Variants in ESR1 observed in about 807,000 individuals in gnomAD.
The protein encoded by ESR1 is estrogen receptor.
Under a neutral mutation model 52.7 loss-of-function variants are expected in ESR1, and 12 were observed. The observed-to-expected ratio is 0.23, with a 90% CI of 0.15 to 0.37. The LOEUF is 0.37. ESR1 is among the 10% of genes least tolerant of loss of function. The pLI is 1.00. For missense variants in ESR1, 584 were observed against 779.7 expected, an observed-to-expected ratio of 0.75 and a Z score of 2.99; for synonymous variants, 305 against 316.8, an observed-to-expected ratio of 0.96 and a Z score of 0.39.
intron 4 of ESR1, 31 bp from the exon 5 acceptor site, chr6:152,011,625 A>C (rs2042774657): frequency 1.9e-6 from 3 of 1,612,658 alleles, no homozygotes; most frequent in Admixed American, 1.7e-5. Context: ...TTTTCATTTG[A>C]GTCAGCAGGG....
chr6:151,951,652 G>A (rs2036337857), intron 4 of ESR1, among the ~76,000 whole-genome samples: 1 of 152,142 alleles, frequency 6.6e-6, no homozygotes, highest in Non-Finnish European at 1.5e-5. Flanking sequence ...CATCAAAATT[G>A]TTCCCCAAGA....
chr6:152,069,838 T>A (rs781521329), intron 6 of ESR1, among the ~76,000 whole-genome samples: 2 of 137,498 alleles, frequency 1.5e-5, no homozygotes, highest in Non-Finnish European at 3.0e-5. Flanking sequence ...CTGGTACCAG[T>A]TTGCAACCCA....
At chr6:151,894,050 C>G (rs535836889) in intron 3 of ESR1, among the ~76,000 whole-genome samples, 1 of 152,272 alleles carries the variant, frequency 6.6e-6, no homozygotes, top group Non-Finnish European at 1.5e-5. Context: ...TACATCCACA[C>G]CAACGTCTAT....
intron 2 of ESR1, among the ~76,000 whole-genome samples, chr6:151,761,484 C>T (rs1209845479): frequency 2.0e-5 from 3 of 152,156 alleles, no homozygotes; most frequent in Non-Finnish European, 1.5e-5. Flanking sequence ...CCATTGCATG[C>T]CTGACTGGGG....
At chr6:151,930,423 C>T (rs909588450) in intron 3 of ESR1, among the ~76,000 whole-genome samples, 1 of 152,202 alleles carries the variant, frequency 6.6e-6, no homozygotes, top group African/African-American at 2.4e-5. Context: ...ATAGTATTCT[C>T]AATTCCTCCT....
upstream of ESR1, among the ~76,000 whole-genome samples, chr6:151,806,557 T>TATATATATATATATATATATAC (rs1554259008): frequency 4.2e-3 from 555 of 133,574 alleles, 17 homozygotes; most frequent in Non-Finnish European, 6.0e-3. Flanking sequence ...TATATATATA[T>TATATATATATATATATATATAC]ACACATATAT....
chr6:152,013,704 G>T (rs533528142), intron 5 of ESR1, among the ~76,000 whole-genome samples: 1 of 152,144 alleles, frequency 6.6e-6, no homozygotes, highest in Non-Finnish European at 1.5e-5. Context: ...TTTCCTTTCT[G>T]TACACTCCAG....
chr6:151,921,137 A>G (rs2031576186), intron 3 of ESR1, among the ~76,000 whole-genome samples: 1 of 151,964 alleles, frequency 6.6e-6, no homozygotes, highest in African/African-American at 2.4e-5. Flanking sequence ...CCCTGTGTCC[A>G]TGTGTTCTCA....
At chr6:151,780,384 A>C (rs903159591) in intron 2 of ESR1, among the ~76,000 whole-genome samples, 12 of 151,966 alleles carry the variant, frequency 7.9e-5, no homozygotes, top group Non-Finnish European at 1.8e-4. Flanking sequence ...AAGAAAAAAA[A>C]CCCTGCCTTT....
chr6:151,923,214 G>A (rs1408559717), intron 3 of ESR1, among the ~76,000 whole-genome samples: 2 of 152,136 alleles, frequency 1.3e-5, no homozygotes, highest in East Asian at 3.8e-4. Flanking sequence ...CCATTAGTGA[G>A]TTTGCTTCAT....
At chr6:151,958,991 T>C (rs1233908519) in intron 4 of ESR1, among the ~76,000 whole-genome samples, 2 of 152,026 alleles carry the variant, frequency 1.3e-5, no homozygotes, top group Non-Finnish European at 2.9e-5. Context: ...TGTGTGTGTG[T>C]GTGCGTGTGT....
intron 2 of ESR1, among the ~76,000 whole-genome samples, chr6:151,773,440 A>C (rs1785681454): frequency 6.6e-6 from 1 of 152,186 alleles, no homozygotes; most frequent in East Asian, 1.9e-4. Context: ...AAATGATTAC[A>C]CTTTCTCATC....
At chr6:151,920,137 A>G (rs759850558) in intron 3 of ESR1, among the ~76,000 whole-genome samples, 1 of 152,162 alleles carries the variant, frequency 6.6e-6, no homozygotes, top group Non-Finnish European at 1.5e-5. Flanking sequence ...CAATGCAATC[A>G]TTATTATAAA....
chr6:151,878,053 T>C (rs1302281265), intron 2 of ESR1, among the ~76,000 whole-genome samples: 3 of 152,094 alleles, frequency 2.0e-5, no homozygotes, highest in East Asian at 3.9e-4. Flanking sequence ...GGTCTCAAAC[T>C]ATCCTCCCAC....
chr6:151,897,864 C>T lies in ESR1; in HGVS notation c.760+17093C>T, dbSNP rs556858005. On this transcript the variant is annotated intron_variant, in intron 3 of 7. Coordinates refer to ENST00000206249, the MANE Select transcript of ESR1 (RefSeq NM_000125.4). ...AGATTTGGAGCTCCTTTTAGCAGTT[C>T]GTGTAGTCATGTAGTGCTGGCTTGG... is the stretch of plus-strand genomic sequence containing the variant. Among the ~76,000 whole-genome samples the T allele has an allele frequency of 1.9e-4, 29 of 152,140 alleles. No individual in the cohort carries two copies. In the Middle Eastern group the frequency reaches 0.01, roughly 54 times the overall value.
chr6:151,738,824 A>C (rs1782863438), intron 2 of ESR1, among the ~76,000 whole-genome samples: 1 of 152,098 alleles, frequency 6.6e-6, no homozygotes, highest in South Asian at 2.1e-4. Context: ...CTTAATTTTG[A>C]ATTGGAGTTG....
intron 6 of ESR1, among the ~76,000 whole-genome samples, chr6:152,065,663 C>G (rs1391648781): frequency 6.6e-6 from 1 of 152,148 alleles, no homozygotes; most frequent in Non-Finnish European, 1.5e-5. Flanking sequence ...GATTCCAGCC[C>G]TCTGTCCTCT....
At chr6:151,825,919 A>AG (rs1781405067) in intron 1 of ESR1, among the ~76,000 whole-genome samples, 1 of 147,530 alleles carries the variant, frequency 6.8e-6, no homozygotes, top group East Asian at 1.9e-4. Context: ...TCAAAAAAAA[A>AG]AAAAAAAAAA....
intron 1 of ESR1, among the ~76,000 whole-genome samples, chr6:151,816,517 C>T (rs965592277): frequency 3.3e-5 from 5 of 152,108 alleles, no homozygotes; most frequent in African/African-American, 4.8e-5. Flanking sequence ...ATTACTACTT[C>T]GGAAGGGAAT....
Sources: gnomAD v4.1 joint callset for allele counts (sites outside exome capture counted in the v4.1 genomes callset) on GRCh38, gnomAD v4.1.1 for gene constraint, MANE v1.5 for transcripts, NCBI Gene and HGNC (gene_info 2026-07-23, HGNC 2026-07-21) for gene names.